AGBL1: variants seen among roughly 807,000 people sequenced by gnomAD.
AGBL1 encodes the protein AGBL carboxypeptidase 1.
In AGBL1, 130 loss-of-function variants were observed where a neutral mutation model predicts 118.9. The ratio of observed to expected loss-of-function variants is 1.09; its 90% CI spans 0.95 to 1.26. AGBL1 has a LOEUF of 1.26. Ranked by LOEUF, AGBL1 falls within the 50% of genes most tolerant of loss-of-function variation. The pLI is 0.00. For synonymous variants in AGBL1, 555 were observed against 478.9 expected (o/e 1.16, Z -2.08); for missense variants, 1,584 against 1,298.1 (o/e 1.22, Z -3.38).
At chr15:86,788,954 G>T (rs182152858) in intron 22 of AGBL1, among the ~76,000 whole-genome samples, 2 of 152,310 alleles carry the variant, frequency 1.3e-5, no homozygotes, top group Non-Finnish European at 2.9e-5. Flanking sequence ...GAAGTAATGG[G>T]ATCTGCTGGC....
At chr15:86,453,168 A>C (rs1187168573) in intron 18 of AGBL1, among the ~76,000 whole-genome samples, 2 of 152,200 alleles carry the variant, frequency 1.3e-5, no homozygotes, top group Non-Finnish European at 1.5e-5. Flanking sequence ...CCTAGTACAC[A>C]GTAGGCACTC....
At chr15:86,981,046 C>T (rs1567271022) in intron 23 of AGBL1, among the ~76,000 whole-genome samples, 4 of 152,044 alleles carry the variant, frequency 2.6e-5, no homozygotes, top group Non-Finnish European at 5.9e-5. Flanking sequence ...GCTGCCACCC[C>T]TGGCTAACTT....
intron 1 of AGBL1, among the ~76,000 whole-genome samples, chr15:86,086,579 G>T (rs552741562): frequency 6.6e-6 from 1 of 152,106 alleles, no homozygotes; most frequent in African/African-American, 2.4e-5. Flanking sequence ...ATGGCAAAGC[G>T]TATGTGCTCA....
chr15:86,835,802 G>T (rs1056624763), intron 22 of AGBL1, among the ~76,000 whole-genome samples: 15 of 152,124 alleles, frequency 9.9e-5, no homozygotes, highest in African/African-American at 3.4e-4. Flanking sequence ...CTGGGAAGGA[G>T]GTAGGTGTGG....
chr15:86,414,472 A>G (rs1212241056), intron 18 of AGBL1, among the ~76,000 whole-genome samples: 4 of 152,296 alleles, frequency 2.6e-5, no homozygotes, highest in African/African-American at 9.6e-5. Context: ...AAGAAGAGTG[A>G]TAGTATCTCC....
chr15:86,269,864 A>C, intron 13 of AGBL1, 55 bp from the exon 14 acceptor site: 7 of 1,578,066 alleles, frequency 4.4e-6, no homozygotes, highest in South Asian at 1.2e-5. Flanking sequence ...TTAGTGTCTG[A>C]AGTTTACCTG....
At chr15:86,374,579 G>C (rs2081012420) in intron 17 of AGBL1, among the ~76,000 whole-genome samples, 1 of 152,198 alleles carries the variant, frequency 6.6e-6, no homozygotes, top group Admixed American at 6.5e-5. Context: ...CTGTGGAATG[G>C]AGTGAGCTAG....
intron 24 of AGBL1, among the ~76,000 whole-genome samples, chr15:86,995,297 G>A (rs889047510): frequency 1.8e-4 from 28 of 152,218 alleles, no homozygotes; most frequent in African/African-American, 4.1e-4. Flanking sequence ...GAGGTGGAAG[G>A]ATCACCTGAG....
intron 17 of AGBL1, among the ~76,000 whole-genome samples, chr15:86,325,277 A>C (rs946965597): frequency 7.9e-5 from 12 of 152,212 alleles, no homozygotes; most frequent in African/African-American, 2.9e-4. Context: ...GAATAGAGGA[A>C]GAATGGCAGA....
intron 1 of AGBL1, among the ~76,000 whole-genome samples, chr15:86,122,923 A>T (rs1451736041): frequency 6.6e-6 from 1 of 152,208 alleles, no homozygotes; most frequent in Admixed American, 6.5e-5. Flanking sequence ...TTTTCATAGC[A>T]ATAAGACACC....
intron 22 of AGBL1, among the ~76,000 whole-genome samples, chr15:86,804,277 A>G (rs973885158): frequency 1.3e-5 from 2 of 152,308 alleles, no homozygotes; most frequent in African/African-American, 4.8e-5. Context: ...AGCTTTTGAC[A>G]TATCTCAGGT....
At chr15:86,309,295 AGT>A (rs1048219309) in intron 17 of AGBL1, among the ~76,000 whole-genome samples, 12 of 152,176 alleles carry the variant, frequency 7.9e-5, no homozygotes, top group African/African-American at 2.9e-4. Context: ...TAGTTGTAGC[AGT>A]TTTTGTGTGA....
intron 22 of AGBL1, among the ~76,000 whole-genome samples, chr15:86,825,906 TA>T (rs2079005998): frequency 1.1e-5 from 1 of 94,950 alleles, no homozygotes; most frequent in Non-Finnish European, 2.2e-5. Flanking sequence ...GATAGATAGA[TA>T]GATAGATAGA....
chr15:86,711,006 G>C (rs1436203785), intron 22 of AGBL1, among the ~76,000 whole-genome samples: 2 of 152,108 alleles, frequency 1.3e-5, no homozygotes, highest in Non-Finnish European at 1.5e-5. Context: ...GTTTCCATGG[G>C]ATGATTTTTC....
At position 86,269,977 on chromosome 15, in the gene AGBL1, T is replaced by G; in HGVS notation, c.1897T>G (p.Phe633Val). 1.2e-6 allele frequency: 2 copies of G among 1,613,860 alleles called. No individual in the cohort carries two copies. Among genetic ancestry groups the G allele is most frequent in the Non-Finnish European group, 1.7e-6 (2 of 1,179,838 alleles). Residue 633 changes from phenylalanine (F) to valine (V), a missense_variant, in exon 14 of 23, where the codon TTC (phenylalanine) becomes GTC (valine). By Grantham distance (50) the Phe-to-Val change is conservative (BLOSUM62 -1). Transcript: ENST00000614907. ...GAATAGCACCCAGCACCAGCAGTGG[T>G]TCTATTTCAAAGTGAGCGGTATGCA... ...DVNSTQHQQW[F>V]YFKVSGMQAA... is the part of the protein sequence containing the mutation.
chr15:86,939,567 C>T (rs1318664064), intron 23 of AGBL1: 1 of 152,236 alleles, frequency 6.6e-6, no homozygotes, highest in Non-Finnish European at 1.5e-5. Flanking sequence ...TGGGTCAACA[C>T]CCCTTAATAA....
chr15:86,758,902 G>A (rs1477665961), intron 22 of AGBL1, among the ~76,000 whole-genome samples: 1 of 149,464 alleles, frequency 6.7e-6, no homozygotes, highest in Non-Finnish European at 1.5e-5. Context: ...GAGCCTGGGA[G>A]GCAGAGGTTG....
At chr15:86,813,518 T>A (rs1038744687) in intron 22 of AGBL1, among the ~76,000 whole-genome samples, 1 of 152,178 alleles carries the variant, frequency 6.6e-6, no homozygotes, top group African/African-American at 2.4e-5. Flanking sequence ...GAAAACTCTG[T>A]CCTTTCTTTG....
chr15:86,590,938 A>G (rs770202447), intron 21 of AGBL1, among the ~76,000 whole-genome samples: 2 of 152,224 alleles, frequency 1.3e-5, no homozygotes, highest in Admixed American at 6.5e-5. Context: ...TTGATACAGT[A>G]TGATTGTCTA....
Sources: allele counts gnomAD v4.1 joint callset (sites outside exome capture counted in the v4.1 genomes callset), GRCh38; gene constraint gnomAD v4.1.1; transcripts MANE v1.5; gene names NCBI Gene and HGNC (gene_info 2026-07-23, HGNC 2026-07-21).